Variants in CTNNA3 observed in about 807,000 individuals in gnomAD.
The protein encoded by CTNNA3 is catenin alpha 3.
In CTNNA3, 76 loss-of-function variants were observed where a neutral mutation model predicts 95.7. That is an observed-to-expected ratio of 0.79 (90% CI 0.66 to 0.96). The LOEUF (loss-of-function observed/expected upper bound fraction) is 0.96, where lower values mean the gene tolerates loss of function less well. Among genes scored for constraint, CTNNA3 ranks in the 40% least tolerant of loss-of-function variants. CTNNA3 has a pLI of 0.00. For missense variants in CTNNA3, 1,191 were observed against 1,089.8 expected (o/e 1.09, Z -1.31); for synonymous variants, 431 against 374.4 (o/e 1.15, Z -1.74).
intron 7 of CTNNA3, among the ~76,000 whole-genome samples, chr10:67,114,546 G>T (rs1159495436): frequency 6.6e-6 from 1 of 151,898 alleles, no homozygotes; most frequent in East Asian, 1.9e-4. Flanking sequence ...ATCAACTTTT[G>T]TTATACTATA....
At chr10:67,637,444 G>A (rs1320588859) in intron 2 of CTNNA3, among the ~76,000 whole-genome samples, 1 of 152,208 alleles carries the variant, frequency 6.6e-6, no homozygotes, top group Non-Finnish European at 1.5e-5. Context: ...CACTCTGCAG[G>A]ATATTATCCA....
At chr10:67,074,811 A>AATTC (rs1564873604) in intron 7 of CTNNA3, among the ~76,000 whole-genome samples, 2 of 147,108 alleles carry the variant, frequency 1.4e-5, no homozygotes, top group African/African-American at 5.3e-5. Flanking sequence ...AACATAACAT[A>AATTC]ATTTATTTAT....
intron 5 of CTNNA3, among the ~76,000 whole-genome samples, chr10:67,236,146 C>T (rs1589067148): frequency 2.7e-5 from 4 of 147,270 alleles, no homozygotes; most frequent in Admixed American, 2.7e-4. Flanking sequence ...TTTGACCCAG[C>T]CATCCCATTA....
At chr10:67,621,760 AAAG>A (rs1188293718) in intron 2 of CTNNA3, among the ~76,000 whole-genome samples, 44 of 148,954 alleles carry the variant, frequency 3.0e-4, no homozygotes, top group South Asian at 2.8e-3. Context: ...AAAAAAAAAA[AAAG>A]AAAAGAAAAG....
At chr10:67,633,049 T>C (rs1839197014) in intron 2 of CTNNA3, among the ~76,000 whole-genome samples, 1 of 152,150 alleles carries the variant, frequency 6.6e-6, no homozygotes, top group African/African-American at 2.4e-5. Flanking sequence ...CCTGATGGCT[T>C]TGGAGAATAC....
chr10:67,516,252 G>C (rs928903731), intron 5 of CTNNA3, among the ~76,000 whole-genome samples: 1 of 152,130 alleles, frequency 6.6e-6, no homozygotes, highest in Non-Finnish European at 1.5e-5. Flanking sequence ...TGGAAAGTTA[G>C]TCCCTACCTT....
At chr10:67,500,159 T>G (rs778299631) in intron 5 of CTNNA3, among the ~76,000 whole-genome samples, 2 of 152,136 alleles carry the variant, frequency 1.3e-5, no homozygotes, top group Non-Finnish European at 1.5e-5. Context: ...TTCAAAGAAT[T>G]TATTTATTTC....
At chr10:66,221,085 T>C (rs1288582796) in intron 13 of CTNNA3, among the ~76,000 whole-genome samples, 1 of 152,180 alleles carries the variant, frequency 6.6e-6, no homozygotes, top group Non-Finnish European at 1.5e-5. Flanking sequence ...AAGCTGTAAG[T>C]GTGTCTCCTA....
chr10:66,008,576 T>A (rs1333253827), intron 15 of CTNNA3, among the ~76,000 whole-genome samples: 2 of 152,204 alleles, frequency 1.3e-5, no homozygotes, highest in Non-Finnish European at 2.9e-5. Flanking sequence ...AATAGAGCCT[T>A]TACATGCTTT....
chr10:67,271,959 T>G (rs1169612084), intron 5 of CTNNA3, among the ~76,000 whole-genome samples: 2 of 152,176 alleles, frequency 1.3e-5, no homozygotes, highest in African/African-American at 4.8e-5. Context: ...TTACATTGCC[T>G]TAAACTAGGA....
At chr10:66,621,605 G>T in intron 10 of CTNNA3, 87 bp downstream of exon 10, 6 of 616,926 alleles carry the variant, frequency 9.7e-6, no homozygotes, top group African/African-American at 2.1e-5. Context: ...AAAAAAAAAA[G>T]AAAAAAAAAT....
chr10:66,035,634 G>T (rs912752466), intron 15 of CTNNA3, among the ~76,000 whole-genome samples: 1 of 151,702 alleles, frequency 6.6e-6, no homozygotes, highest in Non-Finnish European at 1.5e-5. Flanking sequence ...TTGGGGATGA[G>T]TTTACCTTAC....
intron 15 of CTNNA3, among the ~76,000 whole-genome samples, chr10:66,018,034 A>G (rs539396932): frequency 6.6e-6 from 1 of 152,166 alleles, no homozygotes; most frequent in African/African-American, 2.4e-5. Flanking sequence ...AAAGAAAATG[A>G]TTGGTCCTAT....
At chr10:67,096,044 G>T (rs1447759231) in intron 7 of CTNNA3, among the ~76,000 whole-genome samples, 1 of 151,536 alleles carries the variant, frequency 6.6e-6, no homozygotes, top group Non-Finnish European at 1.5e-5. Context: ...ATAACTTCAT[G>T]TTTTAAATCT....
chr10:66,026,891 T>C (rs1003062924), intron 15 of CTNNA3, among the ~76,000 whole-genome samples: 14 of 152,142 alleles, frequency 9.2e-5, no homozygotes, highest in Non-Finnish European at 2.1e-4. Context: ...CTAAGTAATA[T>C]TGTAAAGTTT....
chr10:66,193,788 G>T (rs192283384), intron 13 of CTNNA3, among the ~76,000 whole-genome samples: 39 of 152,100 alleles, frequency 2.6e-4, no homozygotes, highest in Admixed American at 4.6e-4. Context: ...ACATATCCTG[G>T]GCTATACTCT....
intron 5 of CTNNA3, among the ~76,000 whole-genome samples, chr10:67,339,105 G>C (rs1482070986): frequency 6.6e-6 from 1 of 152,142 alleles, no homozygotes; most frequent in Non-Finnish European, 1.5e-5. Context: ...AAAAATCCTT[G>C]GAGAGGCTCT....
intron 13 of CTNNA3, among the ~76,000 whole-genome samples, chr10:66,250,144 A>T (rs1041488777): frequency 2.6e-5 from 4 of 152,198 alleles, no homozygotes; most frequent in African/African-American, 9.6e-5. Flanking sequence ...ATGAGTCAGA[A>T]ATAGAAAGAA....
intron 2 of CTNNA3, among the ~76,000 whole-genome samples, chr10:67,624,104 G>A (rs574532199): frequency 2.0e-5 from 3 of 152,254 alleles, no homozygotes; most frequent in East Asian, 1.9e-4. Flanking sequence ...TTACAGGCAT[G>A]AGCCACTGCG....
Sources: gnomAD v4.1 joint callset for allele counts (sites outside exome capture counted in the v4.1 genomes callset) on GRCh38, gnomAD v4.1.1 for gene constraint, MANE v1.5 for transcripts, NCBI Gene and HGNC (gene_info 2026-07-23, HGNC 2026-07-21) for gene names.